The following MYO18B variants were observed in gnomAD, a reference collection of about 807,000 sequenced individuals.
MYO18B encodes the protein unconventional myosin-XVIIIb.
MYO18B carries 204 observed loss-of-function variants against 273.0 expected under a neutral mutation model. The ratio of observed to expected loss-of-function variants is 0.75; its 90% CI spans 0.67 to 0.84. MYO18B has a LOEUF of 0.84. MYO18B is among the 40% of genes least tolerant of loss of function. The probability of loss-of-function intolerance (pLI) is 0.00; values close to 1 mark genes in which losing one functional copy is unlikely to be tolerated. For synonymous variants in MYO18B, 1,330 were observed against 1,305.7 expected, an observed-to-expected ratio of 1.02 and a Z score of -0.40; for missense variants, 3,212 against 3,287.6, an observed-to-expected ratio of 0.98 and a Z score of 0.56.
chr22:25,894,581 T>C (rs2091751277), intron 27 of MYO18B: 1 of 152,252 alleles, frequency 6.6e-6, no homozygotes, highest in Non-Finnish European at 1.5e-5. Flanking sequence ...AGACATCTTC[T>C]GAACAGTTTA....
the MYO18B span, among the ~76,000 whole-genome samples, chr22:26,048,938 C>A: frequency 6.6e-6 from 1 of 152,298 alleles, no homozygotes; most frequent in African/African-American, 2.4e-5. Flanking sequence ...CTTTTCTCCA[C>A]AACCTCGCCA....
chr22:25,935,695 A>G (rs1324323828), intron 34 of MYO18B, among the ~76,000 whole-genome samples: 3 of 152,122 alleles, frequency 2.0e-5, no homozygotes, highest in Admixed American at 1.3e-4. Context: ...CTCTGAAGAA[A>G]GGTACCAGCT....
chr22:25,946,274 C>T (rs1473331437), intron 35 of MYO18B, 24 bp downstream of exon 35: 2 of 1,524,278 alleles, frequency 1.3e-6, no homozygotes, highest in Admixed American at 3.9e-5. Context: ...CCTGCAGCTG[C>T]AGGGACCTGG....
rs1569225006 is a variant in MYO18B at position 25,948,440 on chromosome 22, TTCCTTCC to T, written c.5748+614_5748+620del. Among the ~76,000 whole-genome samples, 260 of 124,594 alleles carry T rather than the reference TTCCTTCC, an allele frequency of 2.1e-3. 1 individual carries two copies. Among genetic ancestry groups the T allele is most frequent in the African/African-American group, 5.6e-3 (173 of 30,884 alleles). The allele number at this position is 124,594 out of a possible 152,430, so 81.7% of individuals were successfully genotyped here. On this transcript the variant is annotated intron_variant, in intron 36 of 43. Coordinates refer to ENST00000335473, the MANE Select transcript of MYO18B (RefSeq NM_032608.7). Reference sequence around the variant, plus strand: ...CTTCCTTCCTTCCTTCCTTCCTTCCTTCCTTCCTTCCTTCCTTCCTTCTTTCTTTCTT... The same window carrying T: ...CTTCCTTCCTTCCTTCCTTCCTTCCTTTCCTTCCTTCCTTCTTTCTTTCTT...
chr22:26,025,571 T>A lies in MYO18B; in HGVS notation c.6471-874T>A, dbSNP rs562791809. On this transcript the variant is annotated intron_variant, in intron 42 of 43. Transcript: ENST00000335473. ...GTGGCTTTATCTGCAGTGCCAACAC[T>A]CTGACATTTGGCAACTTTTTTACTT... Among the ~76,000 whole-genome samples, 4 of 152,302 alleles carry A rather than the reference T, an allele frequency of 2.6e-5. No homozygotes were observed. In the East Asian group the frequency reaches 7.7e-4, roughly 29 times the overall value.
At chr22:25,955,610 C>T (rs994580365) in intron 39 of MYO18B, among the ~76,000 whole-genome samples, 10 of 152,202 alleles carry the variant, frequency 6.6e-5, no homozygotes, top group Admixed American at 3.9e-4. Context: ...CTGCCAAGTT[C>T]ATTTACATAT....
At chr22:25,871,122 A>G (rs1174341827) in intron 22 of MYO18B, among the ~76,000 whole-genome samples, 1 of 152,198 alleles carries the variant, frequency 6.6e-6, no homozygotes, top group Non-Finnish European at 1.5e-5. Flanking sequence ...TACGCATTGC[A>G]GGATTGGCAT....
At chr22:25,928,933 G>A (rs2092459347) in intron 34 of MYO18B, among the ~76,000 whole-genome samples, 1 of 152,062 alleles carries the variant, frequency 6.6e-6, no homozygotes, top group Non-Finnish European at 1.5e-5. Flanking sequence ...AGGCCAAGGC[G>A]GGCGGGTCAC....
intron 14 of MYO18B, 91 bp downstream of exon 14, chr22:25,826,590 T>A: frequency 8.5e-7 from 1 of 1,175,858 alleles, no homozygotes; most frequent in South Asian, 1.4e-5. Context: ...GTGGCAGTTT[T>A]TGAGCTGGCG....
intron 25 of MYO18B, among the ~76,000 whole-genome samples, chr22:25,888,159 A>T (rs1185844809): frequency 6.6e-6 from 1 of 152,164 alleles, no homozygotes; most frequent in African/African-American, 2.4e-5. Context: ...TAATTCCTAA[A>T]TTTTTTTGTT....
chr22:25,871,565 C>T (rs949007155), intron 22 of MYO18B, among the ~76,000 whole-genome samples: 1 of 151,990 alleles, frequency 6.6e-6, no homozygotes, highest in Admixed American at 6.5e-5. Flanking sequence ...TGGTTTTGTC[C>T]CCCGTGGATT....
intron 40 of MYO18B, among the ~76,000 whole-genome samples, chr22:25,994,610 C>T (rs550184443): frequency 6.6e-6 from 1 of 152,250 alleles, no homozygotes; most frequent in Admixed American, 6.5e-5. Context: ...CTAATTGGCA[C>T]AGCTGCCAAA....
Position 25,847,653 on chromosome 22 carries a change from G to C in MYO18B, c.3775+1G>C, listed in dbSNP as rs539007966. 5.2e-6 allele frequency: 8 copies of C among 1,552,660 alleles called. No individual in the cohort carries two copies. The highest frequency in any genetic ancestry group is 7.0e-6 in the Non-Finnish European group (8 of 1,148,150). On this transcript the variant is annotated splice_donor_variant, in intron 20 of 43. Coordinates refer to ENST00000335473, the MANE Select transcript of MYO18B (RefSeq NM_032608.7). LOFTEE classifies it high-confidence loss of function. ...GAGGCTCTGCGTCTGCATAGGACAG[G>C]TAAGAGACAGCTAGGACACAGCACC...
At chr22:25,760,422 A>C (rs1237803242) in intron 1 of MYO18B, among the ~76,000 whole-genome samples, 1 of 149,352 alleles carries the variant, frequency 6.7e-6, no homozygotes, top group African/African-American at 2.5e-5. Context: ...AAAAAAAAAA[A>C]AAAAAAAAAA....
At chr22:25,887,672 C>T (rs549022623) in intron 25 of MYO18B, among the ~76,000 whole-genome samples, 1 of 152,136 alleles carries the variant, frequency 6.6e-6, no homozygotes, top group African/African-American at 2.4e-5. Flanking sequence ...GCCTGCTCCT[C>T]ACCTCCATCC....
downstream of MYO18B, among the ~76,000 whole-genome samples, chr22:26,034,554 C>G (rs1387520515): frequency 7.0e-6 from 1 of 143,276 alleles, no homozygotes; most frequent in Non-Finnish European, 1.5e-5. Context: ...AGAACTGCTC[C>G]CTGATGCCTC....
At chr22:25,773,977 G>A (rs888691260) in intron 7 of MYO18B, among the ~76,000 whole-genome samples, 6 of 152,188 alleles carry the variant, frequency 3.9e-5, no homozygotes, top group Non-Finnish European at 8.8e-5. Flanking sequence ...TGCTCTTCTG[G>A]AGACTCACTG....
chr22:25,971,690 C>T (rs755073435), intron 39 of MYO18B, among the ~76,000 whole-genome samples: 18 of 152,162 alleles, frequency 1.2e-4, no homozygotes, highest in South Asian at 2.1e-4. Flanking sequence ...CACAAAGGCG[C>T]GGCCTCAGTT....
intron 12 of MYO18B, among the ~76,000 whole-genome samples, chr22:25,806,907 C>T (rs1174927022): frequency 6.6e-6 from 1 of 152,192 alleles, no homozygotes; most frequent in Non-Finnish European, 1.5e-5. Context: ...CGTTGGACCT[C>T]AGTTTTCTTG....
Sources: allele counts gnomAD v4.1 joint callset (sites outside exome capture counted in the v4.1 genomes callset), GRCh38; gene constraint gnomAD v4.1.1; transcripts MANE v1.5; gene names NCBI Gene and HGNC (gene_info 2026-07-23, HGNC 2026-07-21).